SCHIP1: variants seen among roughly 807,000 people sequenced by gnomAD.
The protein encoded by SCHIP1 is schwannomin-interacting protein 1.
In SCHIP1, 8 loss-of-function variants were observed where a neutral mutation model predicts 29.7. The ratio of observed to expected loss-of-function variants is 0.27; its 90% CI spans 0.16 to 0.49. The LOEUF (loss-of-function observed/expected upper bound fraction) is 0.49, where lower values mean the gene tolerates loss of function less well. Ranked by LOEUF, SCHIP1 falls within the 20% of genes least tolerant of loss-of-function variation. The pLI is 0.99. For missense variants in SCHIP1, 193 were observed against 294.6 expected (o/e 0.66, Z 2.52); for synonymous variants, 76 against 94.9 (o/e 0.80, Z 1.16).
At chr3:159,716,038 T>C in the SCHIP1 span, among the ~76,000 whole-genome samples, 2 of 152,182 alleles carry the variant, frequency 1.3e-5, no homozygotes, top group East Asian at 3.9e-4. Flanking sequence ...CCCATCAGAC[T>C]AACAGAGGAT....
chr3:159,315,851 A>T, the SCHIP1 span, among the ~76,000 whole-genome samples: 1 of 151,378 alleles, frequency 6.6e-6, no homozygotes. Flanking sequence ...CATAAAACAT[A>T]CTCATCAGTA....
the SCHIP1 span, among the ~76,000 whole-genome samples, chr3:159,345,226 C>CAAAA: frequency 8.5e-6 from 1 of 117,280 alleles, no homozygotes; most frequent in East Asian, 2.5e-4. Flanking sequence ...GACTCTGTCT[C>CAAAA]AAAAAAAAAA....
At chr3:159,533,174 C>A in the SCHIP1 span, among the ~76,000 whole-genome samples, 53 of 152,162 alleles carry the variant, frequency 3.5e-4, no homozygotes, top group African/African-American at 1.0e-3. Flanking sequence ...GCAAAGGAAG[C>A]TGACCAAGGC....
the SCHIP1 span, among the ~76,000 whole-genome samples, chr3:159,527,904 C>T: frequency 1.3e-5 from 2 of 151,996 alleles, no homozygotes; most frequent in African/African-American, 2.4e-5. Flanking sequence ...TTGCCAAAGG[C>T]TTGAATTAAA....
chr3:159,334,666 T>G, the SCHIP1 span, among the ~76,000 whole-genome samples: 53 of 152,274 alleles, frequency 3.5e-4, no homozygotes, highest in African/African-American at 1.2e-3. Context: ...CTGGCTTGTT[T>G]CACTTAAAAT....
At chr3:159,638,198 G>A in the SCHIP1 span, among the ~76,000 whole-genome samples, 1 of 152,000 alleles carries the variant, frequency 6.6e-6, no homozygotes, top group South Asian at 2.1e-4. Flanking sequence ...CATGATTTCC[G>A]TGTACCTCAA....
At chr3:159,855,123 A>T (rs371558344) in intron 1 of SCHIP1, among the ~76,000 whole-genome samples, 1 of 152,234 alleles carries the variant, frequency 6.6e-6, no homozygotes, top group Non-Finnish European at 1.5e-5. Context: ...GTGCTCAGAG[A>T]TCAGTTCATT....
chr3:159,548,306 C>T, the SCHIP1 span, among the ~76,000 whole-genome samples: 4 of 151,864 alleles, frequency 2.6e-5, no homozygotes, highest in South Asian at 4.1e-4. Flanking sequence ...GTATTATATA[C>T]ATTTGTTATT....
chr3:159,294,283 T>C, the SCHIP1 span, among the ~76,000 whole-genome samples: 5 of 152,342 alleles, frequency 3.3e-5, no homozygotes, highest in East Asian at 5.8e-4. Context: ...TATTTAATAG[T>C]AGCAGAATGT....
intron 3 of SCHIP1, 120 bp from the exon 5 acceptor site, chr3:159,887,588 A>G (rs1717089098): frequency 2.8e-6 from 3 of 1,076,950 alleles, no homozygotes; most frequent in Admixed American, 2.2e-5. Context: ...AGCAAGTCAC[A>G]TTGAGGGAGG....
the SCHIP1 span, among the ~76,000 whole-genome samples, chr3:159,566,584 T>G: frequency 6.6e-6 from 1 of 152,124 alleles, no homozygotes; most frequent in Non-Finnish European, 1.5e-5. Flanking sequence ...TCAATGACAG[T>G]TGACATTCAA....
the SCHIP1 span, among the ~76,000 whole-genome samples, chr3:159,736,919 A>G: frequency 1.3e-5 from 2 of 151,956 alleles, no homozygotes; most frequent in African/African-American, 4.8e-5. Flanking sequence ...TATTTTTAGT[A>G]GAGACGGGGT....
At chr3:159,375,144 T>A in the SCHIP1 span, among the ~76,000 whole-genome samples, 30,482 of 152,190 alleles carry the variant, frequency 0.2, 4,341 homozygotes, top group African/African-American at 0.4. Context: ...TGGACAATGT[T>A]GGAATAAAAG....
At chr3:159,764,890 C>T in the SCHIP1 span, 1 of 1,573,294 alleles carries the variant, frequency 6.4e-7, no homozygotes, top group South Asian at 1.2e-5. This position sits in a 1 kb window ranked among gnomAD's most constrained non-coding sequence, Gnocchi z 6.1. Context: ...GGTGGCTGGC[C>T]GGCCGAGCTG....
chr3:159,479,112 A>C, the SCHIP1 span, among the ~76,000 whole-genome samples: 19 of 152,292 alleles, frequency 1.2e-4, no homozygotes, highest in African/African-American at 4.1e-4. Context: ...GAGGAAATTC[A>C]CATAATATTA....
At chr3:159,298,311 TTC>T in the SCHIP1 span, among the ~76,000 whole-genome samples, 2 of 152,170 alleles carry the variant, frequency 1.3e-5, no homozygotes, top group Non-Finnish European at 2.9e-5. Context: ...TCCCTACAAC[TTC>T]TCTCTTGTTT....
chr3:159,435,729 G>A, the SCHIP1 span, among the ~76,000 whole-genome samples: 1 of 152,234 alleles, frequency 6.6e-6, no homozygotes, highest in African/African-American at 2.4e-5. Flanking sequence ...GTGTTCAGTT[G>A]TGCTCTTGGA....
the SCHIP1 span, among the ~76,000 whole-genome samples, chr3:159,609,679 G>A: frequency 6.6e-6 from 1 of 152,138 alleles, no homozygotes; most frequent in African/African-American, 2.4e-5. Context: ...GGAACCAACA[G>A]AAGCAGCCGC....
At chr3:159,677,882 C>G in the SCHIP1 span, among the ~76,000 whole-genome samples, 1 of 152,204 alleles carries the variant, frequency 6.6e-6, no homozygotes, top group Non-Finnish European at 1.5e-5. Context: ...GTCACCCAGG[C>G]TGGGGTGCAG....
Sources: gnomAD v4.1 joint callset for allele counts (sites outside exome capture counted in the v4.1 genomes callset) on GRCh38, gnomAD v4.1.1 for gene constraint, Gnocchi (gnomAD v3.1) non-coding constraint, MANE v1.5 for transcripts, NCBI Gene and HGNC (gene_info 2026-07-23, HGNC 2026-07-21) for gene names.